The following NRXN3 variants were observed in gnomAD, a reference collection of about 807,000 sequenced individuals.
NRXN3 encodes the protein neurexin III.
A neutral mutation model predicts 137.6 loss-of-function variants in NRXN3; 32 were observed. The observed-to-expected ratio is 0.23, with a 90% CI of 0.18 to 0.31. The LOEUF (loss-of-function observed/expected upper bound fraction) is 0.31. Among genes scored for constraint, NRXN3 ranks in the 10% least tolerant of loss-of-function variants. The probability of loss-of-function intolerance (pLI) is 1.00; values close to 1 mark genes in which losing one functional copy is unlikely to be tolerated. For missense variants in NRXN3, 1,574 were observed against 2,062.5 expected (o/e 0.76, Z 4.59); for synonymous variants, 798 against 784.5 (o/e 1.02, Z -0.29).
At chr14:78,419,817 C>T (rs150207998) in intron 4 of NRXN3, among the ~76,000 whole-genome samples, 1 of 152,324 alleles carries the variant, frequency 6.6e-6, no homozygotes, top group African/African-American at 2.4e-5. Context: ...TGTCTTGGCA[C>T]TGACATGCCT....
chr14:79,080,931 C>T (rs368814673), intron 15 of NRXN3, among the ~76,000 whole-genome samples: 12 of 152,034 alleles, frequency 7.9e-5, no homozygotes, highest in African/African-American at 1.2e-4. Context: ...TTATATAATC[C>T]GGTGGTTTAT....
At chr14:79,790,328 C>CAT (rs1359087168) in intron 19 of NRXN3, among the ~76,000 whole-genome samples, 1 of 111,786 alleles carries the variant, frequency 8.9e-6, no homozygotes, top group African/African-American at 2.9e-5. Flanking sequence ...GAGGCGCCAC[C>CAT]CTTTTTTTTA....
At chr14:79,388,359 A>C (rs2094715103) in intron 15 of NRXN3, among the ~76,000 whole-genome samples, 1 of 152,080 alleles carries the variant, frequency 6.6e-6, no homozygotes, top group South Asian at 2.1e-4. Context: ...GAATGGCCTA[A>C]CACAGTGGCT....
At chr14:78,867,323 A>G (rs1303791358) in intron 10 of NRXN3, among the ~76,000 whole-genome samples, 2 of 152,192 alleles carry the variant, frequency 1.3e-5, no homozygotes, top group East Asian at 3.8e-4. Context: ...CAGTTTAGCC[A>G]TTAATTTTAT....
chr14:78,489,594 G>A (rs1349476527), intron 4 of NRXN3, among the ~76,000 whole-genome samples: 1 of 152,136 alleles, frequency 6.6e-6, no homozygotes, highest in Non-Finnish European at 1.5e-5. Flanking sequence ...AATCTTAGAA[G>A]TCAAAACTCA....
At chr14:79,604,866 C>G (rs1339189908) in intron 16 of NRXN3, among the ~76,000 whole-genome samples, 1 of 151,576 alleles carries the variant, frequency 6.6e-6, no homozygotes, top group African/African-American at 2.4e-5. Flanking sequence ...AATCTGTCTC[C>G]ACTAAAAATA....
intron 16 of NRXN3, among the ~76,000 whole-genome samples, chr14:79,636,082 TCTTTC>T (rs2098401555): frequency 6.6e-6 from 1 of 152,194 alleles, no homozygotes; most frequent in Non-Finnish European, 1.5e-5. Context: ...ACATGGTGTT[TCTTTC>T]TTCTTATAGG....
chr14:78,354,038 T>C (rs2083926040), intron 4 of NRXN3, among the ~76,000 whole-genome samples: 1 of 152,246 alleles, frequency 6.6e-6, no homozygotes, highest in Admixed American at 6.5e-5. Context: ...TATTTACTTG[T>C]CATTGACTGT....
At chr14:78,421,530 T>C (rs944791183) in intron 4 of NRXN3, among the ~76,000 whole-genome samples, 6 of 152,188 alleles carry the variant, frequency 3.9e-5, no homozygotes, top group African/African-American at 1.4e-4. Context: ...GATTTAGGTA[T>C]AAAATGGAGA....
chr14:78,555,825 G>T (rs1437704479), intron 4 of NRXN3, among the ~76,000 whole-genome samples: 1 of 152,198 alleles, frequency 6.6e-6, no homozygotes, highest in East Asian at 1.9e-4. Flanking sequence ...GGTGGCAAGG[G>T]TGGGGAAACC....
At chr14:78,740,890 T>A (rs2098565931) in intron 8 of NRXN3, among the ~76,000 whole-genome samples, 1 of 152,216 alleles carries the variant, frequency 6.6e-6, no homozygotes, top group Non-Finnish European at 1.5e-5. Context: ...AGTAAACATA[T>A]AAAATCTTTT....
intron 16 of NRXN3, among the ~76,000 whole-genome samples, chr14:79,618,786 C>T (rs1170914491): frequency 6.6e-6 from 1 of 152,158 alleles, no homozygotes; most frequent in Non-Finnish European, 1.5e-5. Flanking sequence ...CTGCTTTCAA[C>T]AGTGTCTGAA....
intron 15 of NRXN3, among the ~76,000 whole-genome samples, chr14:79,084,050 C>CA (rs2047585407): frequency 6.6e-6 from 1 of 152,092 alleles, no homozygotes; most frequent in African/African-American, 2.4e-5. Context: ...GCTGAGACTA[C>CA]AGGCCTGTAC....
chr14:79,555,565 A>C (rs1404291478), intron 16 of NRXN3, among the ~76,000 whole-genome samples: 1 of 152,114 alleles, frequency 6.6e-6, no homozygotes, highest in Non-Finnish European at 1.5e-5. Context: ...TTACCAAGGA[A>C]GCATAGAGAG....
intron 6 of NRXN3, among the ~76,000 whole-genome samples, chr14:78,686,680 TAAA>T (rs980773529): frequency 8.5e-5 from 13 of 152,110 alleles, no homozygotes; most frequent in African/African-American, 3.1e-4. Flanking sequence ...TATATATGAG[TAAA>T]AATATATATG....
intron 15 of NRXN3, among the ~76,000 whole-genome samples, chr14:79,345,714 C>G (rs953281801): frequency 6.6e-6 from 1 of 152,036 alleles, no homozygotes; most frequent in Non-Finnish European, 1.5e-5. Flanking sequence ...AAGTGTGTGG[C>G]ACCTCCCTCC....
chr14:79,318,966 A>C (rs539300323), intron 15 of NRXN3, among the ~76,000 whole-genome samples: 1 of 152,190 alleles, frequency 6.6e-6, no homozygotes, highest in South Asian at 2.1e-4. Flanking sequence ...CTATGCACTC[A>C]CTTTGTTTTT....
chr14:78,264,002 G>A (rs1372396943), intron 2 of NRXN3, among the ~76,000 whole-genome samples: 4 of 151,048 alleles, frequency 2.6e-5, no homozygotes, highest in Non-Finnish European at 5.9e-5. Context: ...TACAACTAAC[G>A]TCAGTCCCTT....
At chr14:78,352,550 G>A (rs565229344) in intron 4 of NRXN3, among the ~76,000 whole-genome samples, 2 of 152,308 alleles carry the variant, frequency 1.3e-5, no homozygotes, top group South Asian at 2.1e-4. Flanking sequence ...TGGCTGGGCT[G>A]TTTATTGGCG....
Sources: gnomAD v4.1 joint callset for allele counts (sites outside exome capture counted in the v4.1 genomes callset) on GRCh38, gnomAD v4.1.1 for gene constraint, MANE v1.5 for transcripts, NCBI Gene and HGNC (gene_info 2026-07-23, HGNC 2026-07-21) for gene names.